MYO1B: variants seen among roughly 807,000 people sequenced by gnomAD.
MYO1B encodes myosin IB, also known as unconventional myosin-Ib.
In MYO1B, 72 loss-of-function variants were observed where a neutral mutation model predicts 159.7. The observed-to-expected ratio is 0.45, with a 90% CI of 0.37 to 0.55. The LOEUF is 0.55. Among genes scored for constraint, MYO1B ranks in the 20% least tolerant of loss-of-function variants. The probability of loss-of-function intolerance (pLI) is 0.00; values close to 1 mark genes in which losing one functional copy is unlikely to be tolerated. For synonymous variants in MYO1B, 468 were observed against 473.8 expected, an observed-to-expected ratio of 0.99 and a Z score of 0.16; for missense variants, 1,062 against 1,364.8, an observed-to-expected ratio of 0.78 and a Z score of 3.50.
intron 2 of MYO1B, among the ~76,000 whole-genome samples, chr2:191,291,985 T>C (rs1251288626): frequency 6.6e-6 from 1 of 152,192 alleles, no homozygotes; most frequent in African/African-American, 2.4e-5. Flanking sequence ...ACATTTGAGT[T>C]ATTCTACTGG....
intron 7 of MYO1B, among the ~76,000 whole-genome samples, chr2:191,359,264 T>C (rs1225371585): frequency 2.0e-5 from 3 of 151,952 alleles, no homozygotes; most frequent in African/African-American, 7.2e-5. Flanking sequence ...TATTACACAA[T>C]CCTTTTTTCC....
chr2:191,332,429 A>G (rs1202651758), intron 4 of MYO1B, among the ~76,000 whole-genome samples: 1 of 152,030 alleles, frequency 6.6e-6, no homozygotes, highest in Non-Finnish European at 1.5e-5. Flanking sequence ...AAATTATTTT[A>G]AACTTACATG....
intron 2 of MYO1B, among the ~76,000 whole-genome samples, chr2:191,283,913 G>T (rs922734808): frequency 6.6e-6 from 1 of 152,252 alleles, no homozygotes; most frequent in Non-Finnish European, 1.5e-5. Context: ...TTCCTGCCAT[G>T]TGTTGAGCTG....
chr2:191,402,563 A>G (rs1193096213), intron 23 of MYO1B, 69 bp from the exon 24 acceptor site: 1 of 1,328,358 alleles, frequency 7.5e-7, no homozygotes, highest in Non-Finnish European at 1.1e-6. Context: ...TTGGTGGGAT[A>G]TCTTTTTCTG....
chr2:191,316,968 C>T (rs369435527), intron 3 of MYO1B, among the ~76,000 whole-genome samples: 4 of 152,130 alleles, frequency 2.6e-5, no homozygotes, highest in South Asian at 2.1e-4. Context: ...CTGCAGGTTT[C>T]GGTGATTTTG....
Position 191,424,753 on chromosome 2 carries a change from G to A in MYO1B, c.*793G>A, listed in dbSNP as rs1344636204. The stretch of plus-strand genomic sequence containing the variant: ...AGTAAGATTATATGTTTCTGTTTCT[G>A]GTAAATACCATATATGATCCTCGAA... On this transcript the variant is annotated 3_prime_UTR_variant, in exon 31 of 31. Transcript: ENST00000392318. 6.6e-6 allele frequency: 1 copy of A among 152,360 alleles called. No homozygotes were observed. The highest frequency in any genetic ancestry group is 1.5e-5 in the Non-Finnish European group (1 of 67,984). 9.4% of individuals were successfully genotyped at this position (152,360 alleles called of 1,614,324 possible).
At chr2:191,330,075 G>T in intron 4 of MYO1B, 46 bp downstream of exon 4, 1 of 1,545,294 alleles carries the variant, frequency 6.5e-7, no homozygotes, top group South Asian at 1.1e-5. Context: ...ATGCTGCACA[G>T]AATGACAACA....
intron 1 of MYO1B, among the ~76,000 whole-genome samples, chr2:191,261,973 A>G (rs1210616800): frequency 6.6e-6 from 1 of 152,174 alleles, no homozygotes; most frequent in East Asian, 1.9e-4. Context: ...AAAATAAGCC[A>G]AATTGTCAAT....
chr2:191,384,662 TG>T (rs1445594227), intron 15 of MYO1B, among the ~76,000 whole-genome samples: 1 of 152,252 alleles, frequency 6.6e-6, no homozygotes, highest in African/African-American at 2.4e-5. Flanking sequence ...GGAGGTAATT[TG>T]CTATGGGAAT....
chr2:191,271,701 C>A (rs942083825), intron 1 of MYO1B, among the ~76,000 whole-genome samples: 8 of 152,078 alleles, frequency 5.3e-5, no homozygotes, highest in Admixed American at 2.6e-4. Context: ...TGGAGGAGCA[C>A]GAGATAAGAT....
intron 17 of MYO1B, among the ~76,000 whole-genome samples, chr2:191,389,652 G>C (rs938880446): frequency 2.6e-5 from 4 of 152,212 alleles, no homozygotes; most frequent in African/African-American, 9.6e-5. Context: ...TACTTGCAAA[G>C]GAGGTTGGGA....
chr2:191,409,281 A>C, intron 26 of MYO1B, 103 bp downstream of exon 26: 1 of 1,293,932 alleles, frequency 7.7e-7, no homozygotes. Flanking sequence ...CCTTTGCCTC[A>C]AAGAGGATTA....
intron 1 of MYO1B, among the ~76,000 whole-genome samples, chr2:191,273,392 G>A (rs975310119): frequency 1.3e-5 from 2 of 152,108 alleles, no homozygotes; most frequent in African/African-American, 4.8e-5. Flanking sequence ...CAAAGTGTTG[G>A]GATTACAGGC....
intron 3 of MYO1B, among the ~76,000 whole-genome samples, chr2:191,326,681 A>C (rs1691091333): frequency 6.6e-6 from 1 of 152,076 alleles, no homozygotes; most frequent in Non-Finnish European, 1.5e-5. Context: ...AGAGAAGAAA[A>C]AAATAAGTAT....
chr2:191,251,761 T>C (rs1423476390), intron 1 of MYO1B, among the ~76,000 whole-genome samples: 2 of 152,240 alleles, frequency 1.3e-5, no homozygotes, highest in East Asian at 3.8e-4. Flanking sequence ...GTTATCGACA[T>C]TATAATACAT....
chr2:191,265,731 C>T (rs141510391), intron 1 of MYO1B, among the ~76,000 whole-genome samples: 2 of 152,214 alleles, frequency 1.3e-5, no homozygotes, highest in Non-Finnish European at 2.9e-5. Context: ...AAAGTCCGTG[C>T]GTTATAATTA....
At chr2:191,322,262 C>T (rs1409871089) in intron 3 of MYO1B, among the ~76,000 whole-genome samples, 1 of 152,118 alleles carries the variant, frequency 6.6e-6, no homozygotes, top group Non-Finnish European at 1.5e-5. Context: ...CTACTAAATT[C>T]CAAAGAGCGG....
Position 191,341,548 on chromosome 2 carries a change from C to T in MYO1B, c.434C>T (p.Ser145Phe), listed in dbSNP as rs1370367391. 2 of 1,613,484 alleles carry T rather than the reference C, an allele frequency of 1.2e-6. No homozygotes were observed. Among genetic ancestry groups the T allele is most frequent in the African/African-American group, 2.7e-5 (2 of 74,866 alleles). Residue 145 changes from serine (S) to phenylalanine (F), a missense_variant, in exon 5 of 31, where the codon TCC becomes TTC. Ser to Phe is a radical substitution (Grantham distance 155). This residue lies in a region of MYO1B where 415 missense variants were observed against 544.0 expected (regional missense o/e 0.76). Coordinates refer to ENST00000392318, the MANE Select transcript of MYO1B (RefSeq NM_001130158.3). ...VNQVKEQLLQ[S>F]NPVLEAFGNA... Reference sequence around the variant, plus strand: ...CAAGTTAAAGAACAGCTTTTACAGTCCAACCCGGTCCTGGAAGGTAGGATG... The same window carrying T: ...CAAGTTAAAGAACAGCTTTTACAGTTCAACCCGGTCCTGGAAGGTAGGATG...
At chr2:191,402,390 G>T in intron 23 of MYO1B, 2 of 515,110 alleles carry the variant, frequency 3.9e-6, no homozygotes, top group Non-Finnish European at 6.9e-6. Flanking sequence ...GGTGGGAAAT[G>T]ATTACCTTGG....
Sources: gnomAD v4.1 joint callset for allele counts (sites outside exome capture counted in the v4.1 genomes callset) on GRCh38, gnomAD v4.1.1 for gene constraint, gnomAD v4.1.1 regional missense constraint, MANE v1.5 for transcripts, NCBI Gene and HGNC (gene_info 2026-07-23, HGNC 2026-07-21) for gene names.